Variants in FNDC3B observed in about 807,000 individuals in gnomAD.
FNDC3B encodes the protein fibronectin type III domain-containing protein 3B.
Under a neutral mutation model 151.5 loss-of-function variants are expected in FNDC3B, and 12 were observed. That is an observed-to-expected ratio of 0.08 (90% CI 0.05 to 0.13). The LOEUF (loss-of-function observed/expected upper bound fraction) is 0.13, where lower values mean the gene tolerates loss of function less well. Ranked by LOEUF, FNDC3B falls within the 10% of genes least tolerant of loss-of-function variation. The pLI is 1.00. For synonymous variants in FNDC3B, 528 were observed against 549.0 expected, an observed-to-expected ratio of 0.96 and a Z score of 0.54; for missense variants, 1,214 against 1,505.3, an observed-to-expected ratio of 0.81 and a Z score of 3.20.
chr3:172,289,756 G>A (rs1730224422), intron 7 of FNDC3B, among the ~76,000 whole-genome samples: 1 of 152,180 alleles, frequency 6.6e-6, no homozygotes, highest in African/African-American at 2.4e-5. Flanking sequence ...CTCAGGATGT[G>A]CCTCCGCCAG....
At position 172,267,434 on chromosome 3, in the gene FNDC3B, G is replaced by A. The variant is rs148733900; in HGVS notation, c.790+15893G>A. Among the ~76,000 whole-genome samples, 459 of 152,282 alleles carry A rather than the reference G, an allele frequency of 3.0e-3. 4 individuals carry two copies. Among genetic ancestry groups the A allele is most frequent in the African/African-American group, 0.011 (446 of 41,548 alleles). On this transcript the variant is annotated intron_variant, in intron 6 of 25. Coordinates refer to ENST00000415807, the MANE Select transcript of FNDC3B (RefSeq NM_022763.4). ...GTTTCCCAAAGTGCTGGGATTACAG[G>A]TGTGAGCCACCATGCCCAGCCTATG...
chr3:172,356,164 A>C (rs890713791), intron 22 of FNDC3B, among the ~76,000 whole-genome samples: 3 of 152,188 alleles, frequency 2.0e-5, no homozygotes, highest in Admixed American at 6.5e-5. Flanking sequence ...TCATTTTGTC[A>C]TAACAAGGTG....
intron 2 of FNDC3B, among the ~76,000 whole-genome samples, chr3:172,119,022 T>C (rs1720403511): frequency 6.6e-6 from 1 of 151,564 alleles, no homozygotes; most frequent in Admixed American, 6.6e-5. Context: ...CAAAAAAAAT[T>C]AGCCAGGCGT....
intron 12 of FNDC3B, chr3:172,329,500 G>A (rs2108285162): frequency 6.4e-6 from 1 of 156,748 alleles, no homozygotes; most frequent in South Asian, 2.0e-4. Context: ...CAAGCCCAGG[G>A]CAGATACGGA....
chr3:172,383,389 C>A (rs1275092032), intron 25 of FNDC3B, among the ~76,000 whole-genome samples: 1 of 152,120 alleles, frequency 6.6e-6, no homozygotes, highest in African/African-American at 2.4e-5. Flanking sequence ...GTTTTCTAAA[C>A]GTACAATCAT....
In FNDC3B at chr3:172,310,958, CT is replaced by C. The variant is rs745630423; in HGVS notation, c.1254+81del. 31 of 1,008,474 alleles carry C rather than the reference CT, an allele frequency of 3.1e-5. No homozygotes were observed. The East Asian group carries it at 3.3e-4, about 11-fold the overall frequency. The allele number at this position is 1,008,474 out of a possible 1,614,324, so 62.5% of individuals were successfully genotyped here. The stretch of plus-strand genomic sequence containing the variant: ...TTAACTGAACAAATGCCATCTTATT[CT>C]TTTATAAGACATGCTAAACACAGAA... On this transcript the variant is annotated intron_variant, in intron 11 of 25. Transcript: ENST00000415807.
At chr3:172,045,184 C>T (rs1576813246) in intron 1 of FNDC3B, among the ~76,000 whole-genome samples, 1 of 152,156 alleles carries the variant, frequency 6.6e-6, no homozygotes, top group Admixed American at 6.5e-5. Flanking sequence ...CCAAATTGTG[C>T]TTGGACAGTT....
intron 1 of FNDC3B, among the ~76,000 whole-genome samples, chr3:172,070,946 A>G (rs1717746475): frequency 6.6e-6 from 1 of 152,182 alleles, no homozygotes; most frequent in Non-Finnish European, 1.5e-5. Flanking sequence ...TTCAGGAAAA[A>G]TACAGGCATT....
At chr3:172,207,344 T>C (rs996418486) in intron 3 of FNDC3B, among the ~76,000 whole-genome samples, 3 of 152,256 alleles carry the variant, frequency 2.0e-5, no homozygotes, top group East Asian at 3.9e-4. Flanking sequence ...ATCATTAATA[T>C]TAAAAATACA....
intron 24 of FNDC3B, among the ~76,000 whole-genome samples, 156 bp downstream of exon 24, chr3:172,378,592 G>A (rs1264782767): frequency 6.6e-6 from 1 of 152,140 alleles, no homozygotes; most frequent in Non-Finnish European, 1.5e-5. Context: ...GGTTGTCTGG[G>A]GGAAATGAGA....
intron 11 of FNDC3B, among the ~76,000 whole-genome samples, chr3:172,322,714 T>C (rs1406204009): frequency 1.3e-5 from 2 of 151,958 alleles, no homozygotes; most frequent in Non-Finnish European, 2.9e-5. Context: ...CTGATTCTTT[T>C]CTGAGTATTC....
chr3:172,372,298 G>T (rs562564790), intron 23 of FNDC3B, among the ~76,000 whole-genome samples: 1 of 152,290 alleles, frequency 6.6e-6, no homozygotes, highest in South Asian at 2.1e-4. Flanking sequence ...GGCACAGGCA[G>T]CAGGGGATGG....
chr3:172,283,237 T>G (rs1335407939), intron 6 of FNDC3B, among the ~76,000 whole-genome samples: 1 of 152,202 alleles, frequency 6.6e-6, no homozygotes, highest in African/African-American at 2.4e-5. Context: ...TTGGACAGAT[T>G]TTTTTATTAT....
chr3:172,089,526 A>G (rs2108508605), intron 1 of FNDC3B, among the ~76,000 whole-genome samples: 1 of 152,304 alleles, frequency 6.6e-6, no homozygotes, highest in East Asian at 1.9e-4. Flanking sequence ...TACCATGCAC[A>G]AATCGAATGT....
At chr3:172,172,042 C>G (rs1375585944) in intron 3 of FNDC3B, among the ~76,000 whole-genome samples, 1 of 152,172 alleles carries the variant, frequency 6.6e-6, no homozygotes. Flanking sequence ...CATTCCTCCT[C>G]CTTCGCCTCT....
chr3:172,258,271 G>A (rs1728466511), intron 6 of FNDC3B, among the ~76,000 whole-genome samples: 2 of 152,166 alleles, frequency 1.3e-5, no homozygotes, highest in Non-Finnish European at 2.9e-5. Context: ...CACAGGTTCT[G>A]GTTATGATAC....
At chr3:172,388,345 G>A (rs1343958855) in intron 25 of FNDC3B, among the ~76,000 whole-genome samples, 1 of 152,066 alleles carries the variant, frequency 6.6e-6, no homozygotes, top group Non-Finnish European at 1.5e-5. Flanking sequence ...CTCTCATTTG[G>A]AATAAACATG....
chr3:172,287,607 G>A (rs1249143663), intron 7 of FNDC3B, among the ~76,000 whole-genome samples: 1 of 152,142 alleles, frequency 6.6e-6, no homozygotes, highest in Non-Finnish European at 1.5e-5. Flanking sequence ...GCAGAGCAGC[G>A]GGTTCACTCA....
At chr3:172,119,433 G>A (rs1720428171) in intron 2 of FNDC3B, among the ~76,000 whole-genome samples, 1 of 151,748 alleles carries the variant, frequency 6.6e-6, no homozygotes, top group Admixed American at 6.6e-5. Flanking sequence ...TCACAGGAGA[G>A]TGCTTGGATT....
Sources: gnomAD v4.1 joint callset for allele counts (sites outside exome capture counted in the v4.1 genomes callset) on GRCh38, gnomAD v4.1.1 for gene constraint, MANE v1.5 for transcripts, NCBI Gene and HGNC (gene_info 2026-07-23, HGNC 2026-07-21) for gene names.